SLC22A23: variants seen among roughly 807,000 people sequenced by gnomAD.
The protein encoded by SLC22A23 is solute carrier family 22 member 23.
Under a neutral mutation model 61.0 loss-of-function variants are expected in SLC22A23, and 26 were observed. That is an observed-to-expected ratio of 0.43 (90% CI 0.31 to 0.59). The LOEUF is 0.59. Among genes scored for constraint, SLC22A23 ranks in the 20% least tolerant of loss-of-function variants. The probability of loss-of-function intolerance (pLI) is 0.11; values close to 1 mark genes in which losing one functional copy is unlikely to be tolerated. For synonymous variants in SLC22A23, 430 were observed against 413.9 expected (o/e 1.04, Z -0.47); for missense variants, 796 against 934.7 (o/e 0.85, Z 1.94).
In SLC22A23 at chr6:3,283,705, A is replaced by C. The variant is rs186386089; in HGVS notation, c.1703+147T>G. 94 of 1,433,286 alleles carry C rather than the reference A, an allele frequency of 6.6e-5. No individual in the cohort carries two copies. In the African/African-American group the frequency reaches 9.9e-4, roughly 15 times the overall value. The allele number at this position is 1,433,286 out of a possible 1,614,324, so 88.8% of individuals were successfully genotyped here. A position where few individuals can be genotyped will look rare whatever the true frequency, so the allele number is the denominator to read the frequency against. Reference sequence around the variant, plus strand: ...TGGGCGCCTCGGGGTTGGGTCCAACAGCCACCTCAGCTATGAACCACGAAG... The same window carrying C: ...TGGGCGCCTCGGGGTTGGGTCCAACCGCCACCTCAGCTATGAACCACGAAG... On this transcript the variant is annotated intron_variant, in intron 9 of 9. Coordinates refer to ENST00000406686, the MANE Select transcript of SLC22A23 (RefSeq NM_015482.2).
At chr6:3,345,668 G>A (rs1764393830) in intron 3 of SLC22A23, among the ~76,000 whole-genome samples, 3 of 152,062 alleles carry the variant, frequency 2.0e-5, no homozygotes, top group Admixed American at 2.0e-4. Flanking sequence ...CCCCACCCTA[G>A]TAGTTTATAT....
rs570638223 is a variant in SLC22A23 at position 3,397,679 on chromosome 6, T to C, written c.913+12509A>G. ...ATCCATTGTTGTCAAGGCACTATCA[T>C]GATAGCCTCAATCCCTTTTTACTCT... On this transcript the variant is annotated intron_variant, in intron 3 of 9. Coordinates refer to ENST00000406686, the MANE Select transcript of SLC22A23 (RefSeq NM_015482.2). Among the ~76,000 whole-genome samples the C allele has an allele frequency of 3.9e-5, 6 of 152,356 alleles. No individual in the cohort carries two copies. The East Asian group carries it at 9.6e-4, about 24-fold the overall frequency.
rs1001189635 is a variant in SLC22A23, at chr6:3,427,960, G to C, written c.655-12105C>G. On this transcript the variant is annotated intron_variant, in intron 1 of 9. Coordinates refer to ENST00000406686, the MANE Select transcript of SLC22A23 (RefSeq NM_015482.2). This position sits in a 1 kb window ranked among gnomAD's most constrained non-coding sequence, Gnocchi z 4.3. ...GGTGGGGTGAGCCAGGAAGGCTCCC[G>C]ACCTTCCACTTCAGTGCCTCCGGCA... 6.6e-6 allele frequency among the ~76,000 whole-genome samples: 1 copy of C among 152,206 alleles called. No homozygotes were observed. Among genetic ancestry groups the C allele is most frequent in the Non-Finnish European group, 1.5e-5 (1 of 68,044 alleles).
rs74516574 is a variant in SLC22A23 at position 3,357,353 on chromosome 6, T to C, written c.914-33351A>G. On this transcript the variant is annotated intron_variant, in intron 3 of 9. Coordinates refer to ENST00000406686, the MANE Select transcript of SLC22A23 (RefSeq NM_015482.2). ...AGCTTTCCTAATTTTTATTTTTAAA[T>C]GGGGTTGTGGCTCAGCAATAGTGTA... is the stretch of plus-strand genomic sequence containing the variant. Among the ~76,000 whole-genome samples the C allele has an allele frequency of 1.4e-3, 206 of 152,296 alleles. 1 individual carries two copies. Among genetic ancestry groups the C allele is most frequent in the African/African-American group, 4.8e-3 (200 of 41,562 alleles).
chr6:3,298,438 T>C (rs1350002148), intron 4 of SLC22A23, among the ~76,000 whole-genome samples: 1 of 151,900 alleles, frequency 6.6e-6, no homozygotes, highest in Non-Finnish European at 1.5e-5. Flanking sequence ...TAACAAAAGT[T>C]AACCACATGT....
At chr6:3,273,481 G>T in intron 9 of SLC22A23, 69 bp from the exon 10 acceptor site, 1 of 1,561,648 alleles carries the variant, frequency 6.4e-7, no homozygotes, top group African/African-American at 1.3e-5. Flanking sequence ...AAAGCTCGGG[G>T]TGGACCAGGA....
chr6:3,424,829 A>G (rs554359606), intron 1 of SLC22A23, among the ~76,000 whole-genome samples: 2 of 152,362 alleles, frequency 1.3e-5, no homozygotes, highest in Non-Finnish European at 2.9e-5. Flanking sequence ...CAGAGCCCAC[A>G]TGGCCTGCAA....
chr6:3,324,844 AT>A lies in SLC22A23; in HGVS notation c.914-843del, dbSNP rs1447257210. ...CGGCCCCTCTTATTTGCAAGAATCTATTCTTTTACTTTGACCTTGAGTCAAA... is the reference window on the plus strand; with the variant it reads ...CGGCCCCTCTTATTTGCAAGAATCTATCTTTTACTTTGACCTTGAGTCAAA... On this transcript the variant is annotated intron_variant, in intron 3 of 9. Transcript: ENST00000406686. This position sits in a 1 kb window ranked among gnomAD's most constrained non-coding sequence, Gnocchi z 4.3. Among the ~76,000 whole-genome samples the A allele has an allele frequency of 6.6e-6, 1 of 152,220 alleles. No homozygotes were observed. The highest frequency in any genetic ancestry group is 2.4e-5 in the African/African-American group (1 of 41,454).
At chr6:3,441,687 T>C (rs1194913308) in intron 1 of SLC22A23, among the ~76,000 whole-genome samples, 1 of 152,130 alleles carries the variant, frequency 6.6e-6, no homozygotes, top group African/African-American at 2.4e-5. Flanking sequence ...GCACCTGCCC[T>C]CCTGGGATGT....
Position 3,414,968 on chromosome 6 carries a change from T to C in SLC22A23, c.758+784A>G, listed in dbSNP as rs1463835952. Among the ~76,000 whole-genome samples, 2 of 152,198 alleles carry C rather than the reference T, an allele frequency of 1.3e-5. No homozygotes were observed. The highest frequency in any genetic ancestry group is 2.9e-5 in the Non-Finnish European group (2 of 68,036). ...GCCACGTGGTGGCTGAGTTTCAAGT[T>C]CTGGCTCTCCAGCTTAAAGCTGAGT... is the stretch of plus-strand genomic sequence containing the variant. On this transcript the variant is annotated intron_variant, in intron 2 of 9. Transcript: ENST00000406686. This position sits in a 1 kb window ranked among gnomAD's most constrained non-coding sequence, Gnocchi z 5.1.
intron 1 of SLC22A23, among the ~76,000 whole-genome samples, chr6:3,444,068 C>G (rs1446762007): frequency 6.6e-6 from 1 of 152,022 alleles, no homozygotes; most frequent in Non-Finnish European, 1.5e-5. Context: ...CAAAAGAGAC[C>G]GAAGAGAGGT....
chr6:3,287,697 G>T (rs7762323), intron 6 of SLC22A23, among the ~76,000 whole-genome samples: 101,664 of 148,712 alleles, frequency 0.68, 36,990 homozygotes, highest in Non-Finnish European at 0.82. Flanking sequence ...GTTTTGTTTT[G>T]TTTTTGAGTA....
rs111621321 is a variant in SLC22A23, at chr6:3,278,256, T to C, written c.1704-4844A>G. Among the ~76,000 whole-genome samples the C allele has an allele frequency of 5.1e-3, 776 of 152,302 alleles. 7 individuals carry two copies. Among genetic ancestry groups the C allele is most frequent in the African/African-American group, 0.017 (704 of 41,570 alleles). On this transcript the variant is annotated intron_variant, in intron 9 of 9. Transcript: ENST00000406686. ...CCACGGAGGGAGACTGACAGCCACC[T>C]CTCATGCAGGCTGTGACAGGCATCA...
At chr6:3,416,846 G>T (rs1448095306) in intron 1 of SLC22A23, among the ~76,000 whole-genome samples, 1 of 152,200 alleles carries the variant, frequency 6.6e-6, no homozygotes, top group Non-Finnish European at 1.5e-5. Flanking sequence ...AGAAATTCAC[G>T]CCAATGCATT....
intron 3 of SLC22A23, among the ~76,000 whole-genome samples, chr6:3,346,074 C>A (rs7756838): frequency 1.3e-5 from 2 of 151,978 alleles, no homozygotes; most frequent in Non-Finnish European, 2.9e-5. Flanking sequence ...GTTCCACTTA[C>A]AGCCTATGAG....
At chr6:3,370,267 T>A (rs540694937) in intron 3 of SLC22A23, among the ~76,000 whole-genome samples, 9 of 152,256 alleles carry the variant, frequency 5.9e-5, no homozygotes, top group Non-Finnish European at 8.8e-5. Context: ...AAAGGGAAAT[T>A]ATTTAACAGT....
At chr6:3,287,113 C>G (rs1308825441) in intron 6 of SLC22A23, 22 bp from the exon 7 acceptor site, 1 of 1,610,306 alleles carries the variant, frequency 6.2e-7, no homozygotes, top group East Asian at 2.2e-5. Context: ...TACCGAGCGG[C>G]AGTGGGTGGG....
At chr6:3,421,909 T>A (rs73720882) in intron 1 of SLC22A23, among the ~76,000 whole-genome samples, 3,550 of 152,296 alleles carry the variant, frequency 0.023, 132 homozygotes, top group African/African-American at 0.082. Context: ...AGCCTGAAGG[T>A]TAAGCACGTT....
chr6:3,359,990 G>A (rs1391391055), intron 3 of SLC22A23, among the ~76,000 whole-genome samples: 1 of 152,092 alleles, frequency 6.6e-6, no homozygotes, highest in African/African-American at 2.4e-5. Context: ...AAGACATTAT[G>A]CTAAGTGAAG....
Sources: gnomAD v4.1 joint callset for allele counts (sites outside exome capture counted in the v4.1 genomes callset) on GRCh38, gnomAD v4.1.1 for gene constraint, Gnocchi (gnomAD v3.1) non-coding constraint, MANE v1.5 for transcripts, NCBI Gene and HGNC (gene_info 2026-07-23, HGNC 2026-07-21) for gene names.